The following ASIC2 variants were observed in gnomAD, a reference collection of about 807,000 sequenced individuals.
ASIC2 encodes acid sensing ion channel subunit 2, also known as acid-sensing ion channel 2.
Under a neutral mutation model 57.3 loss-of-function variants are expected in ASIC2, and 25 were observed. That is an observed-to-expected ratio of 0.44 (90% confidence interval 0.32 to 0.61). ASIC2 has a LOEUF of 0.61. Ranked by LOEUF, ASIC2 falls within the 20% of genes least tolerant of loss-of-function variation. The pLI is 0.06. For synonymous variants in ASIC2, 319 were observed against 307.5 expected, an observed-to-expected ratio of 1.04 and a Z score of -0.39; for missense variants, 641 against 738.1, an observed-to-expected ratio of 0.87 and a Z score of 1.52.
At chr17:34,114,496 A>G (rs192497084) in intron 1 of ASIC2, among the ~76,000 whole-genome samples, 140 of 152,218 alleles carry the variant, frequency 9.2e-4, no homozygotes, top group Admixed American at 5.9e-4. Flanking sequence ...ATAATACCCA[A>G]TTGAACCTGA....
chr17:33,772,593 ATACC>A (rs1191505694), intron 1 of ASIC2, among the ~76,000 whole-genome samples: 1 of 152,248 alleles, frequency 6.6e-6, no homozygotes, highest in African/African-American at 2.4e-5. Context: ...TGTAGTATGT[ATACC>A]TATATATACA....
At chr17:33,607,170 T>TGG (rs1905252321) in intron 1 of ASIC2, among the ~76,000 whole-genome samples, 1 of 152,008 alleles carries the variant, frequency 6.6e-6, no homozygotes, top group Non-Finnish European at 1.5e-5. Flanking sequence ...CTGAGCATGT[T>TGG]TTAGGGAGCA....
intron 1 of ASIC2, among the ~76,000 whole-genome samples, chr17:33,174,671 G>A (rs1441944381): frequency 1.3e-5 from 2 of 152,116 alleles, no homozygotes; most frequent in African/African-American, 4.8e-5. Flanking sequence ...GGCCATAAGT[G>A]ACTTGCTCTG....
At chr17:33,825,488 A>G (rs1912878416) in intron 1 of ASIC2, among the ~76,000 whole-genome samples, 1 of 152,164 alleles carries the variant, frequency 6.6e-6, no homozygotes, top group Non-Finnish European at 1.5e-5. Context: ...CTGAGCAGGA[A>G]GGTCCTAATG....
intron 1 of ASIC2, among the ~76,000 whole-genome samples, chr17:33,711,442 G>C (rs1909032651): frequency 6.6e-6 from 1 of 152,176 alleles, no homozygotes; most frequent in Admixed American, 6.5e-5. Flanking sequence ...GCGGTCAAAG[G>C]GTGGCGGGGC....
chr17:34,036,353 C>G (rs1048742713), intron 1 of ASIC2, among the ~76,000 whole-genome samples: 1 of 121,574 alleles, frequency 8.2e-6, no homozygotes, highest in African/African-American at 3.3e-5. Flanking sequence ...AGGAGAACAT[C>G]ACACTCTGGG....
chr17:34,018,598 T>A (rs930570322), intron 1 of ASIC2, among the ~76,000 whole-genome samples: 40 of 152,196 alleles, frequency 2.6e-4, no homozygotes, highest in Non-Finnish European at 4.7e-4. Context: ...ATTAAGAACA[T>A]CTGTGATTCA....
At chr17:33,143,828 A>G (rs1365792295) in intron 1 of ASIC2, among the ~76,000 whole-genome samples, 4 of 152,278 alleles carry the variant, frequency 2.6e-5, no homozygotes, top group Non-Finnish European at 5.9e-5. Flanking sequence ...TTAGCCATGG[A>G]AAAGATGTAT....
At chr17:33,097,805 G>A (rs549480022) in intron 2 of ASIC2, among the ~76,000 whole-genome samples, 1 of 152,336 alleles carries the variant, frequency 6.6e-6, no homozygotes, top group Admixed American at 6.5e-5. Context: ...CGCAGCCCCA[G>A]CCTTGAGATC....
intron 1 of ASIC2, chr17:33,572,302 A>AC (rs71362892): frequency 0.29 from 43,408 of 150,416 alleles, 6,772 homozygotes; most frequent in African/African-American, 0.4. Context: ...AAAGAAACGC[A>AC]CCCCCCCCAC....
intron 1 of ASIC2, among the ~76,000 whole-genome samples, chr17:33,444,220 C>T (rs759431219): frequency 6.6e-5 from 10 of 152,176 alleles, no homozygotes; most frequent in African/African-American, 2.2e-4. Flanking sequence ...CCCCTACAGC[C>T]GAAAGTTCTC....
At chr17:33,754,753 G>A (rs1438366294) in intron 1 of ASIC2, among the ~76,000 whole-genome samples, 2 of 151,854 alleles carry the variant, frequency 1.3e-5, no homozygotes, top group Admixed American at 6.6e-5. Context: ...TCAGGAGATC[G>A]AGACCATCCT....
intron 1 of ASIC2, among the ~76,000 whole-genome samples, chr17:33,517,424 C>T (rs1184443898): frequency 3.3e-5 from 5 of 152,176 alleles, no homozygotes; most frequent in South Asian, 4.1e-4. Flanking sequence ...CCTTTTGCTG[C>T]GTATTAAATT....
intron 1 of ASIC2, among the ~76,000 whole-genome samples, chr17:33,949,971 C>A (rs1904506177): frequency 6.6e-6 from 1 of 152,188 alleles, no homozygotes; most frequent in African/African-American, 2.4e-5. Flanking sequence ...TGTGGCCAAC[C>A]CCAGATCCTG....
At chr17:34,028,313 C>A (rs1450487155) in intron 1 of ASIC2, among the ~76,000 whole-genome samples, 1 of 152,176 alleles carries the variant, frequency 6.6e-6, no homozygotes. Context: ...GTTCTTGCTG[C>A]AAATTAAAGA....
chr17:33,761,046 ATGAG>A (rs2142112311), intron 1 of ASIC2, among the ~76,000 whole-genome samples: 1 of 152,272 alleles, frequency 6.6e-6, no homozygotes, highest in South Asian at 2.1e-4. Flanking sequence ...ACACACCTGG[ATGAG>A]TGTGTACCAG....
At chr17:33,524,887 T>C (rs983368172) in intron 1 of ASIC2, among the ~76,000 whole-genome samples, 3 of 152,152 alleles carry the variant, frequency 2.0e-5, no homozygotes, top group Admixed American at 1.3e-4. Context: ...CCCAGATGTA[T>C]TTAACTTAGT....
chr17:33,778,662 T>C (rs1911355480), intron 1 of ASIC2, among the ~76,000 whole-genome samples: 1 of 152,154 alleles, frequency 6.6e-6, no homozygotes, highest in Non-Finnish European at 1.5e-5. Context: ...AATTCTGACT[T>C]CTTCACTTCT....
intron 3 of ASIC2, among the ~76,000 whole-genome samples, chr17:33,069,275 G>A (rs531528150): frequency 1.4e-3 from 212 of 152,224 alleles, no homozygotes; most frequent in South Asian, 5.2e-3. Context: ...CTTGGTAAGC[G>A]TGCTGTGTGT....
Sources: gnomAD v4.1 joint callset for allele counts (sites outside exome capture counted in the v4.1 genomes callset) on GRCh38, gnomAD v4.1.1 for gene constraint, MANE v1.5 for transcripts, NCBI Gene and HGNC (gene_info 2026-07-23, HGNC 2026-07-21) for gene names.